WDR45B: variants seen among roughly 807,000 people sequenced by gnomAD.
WDR45B encodes the protein WD repeat domain phosphoinositide-interacting protein 3.
WDR45B carries 20 observed loss-of-function variants against 44.6 expected under a neutral mutation model. That is an observed-to-expected ratio of 0.45 (90% CI 0.32 to 0.65). The LOEUF (loss-of-function observed/expected upper bound fraction) is 0.65. Among genes scored for constraint, WDR45B ranks in the 30% least tolerant of loss-of-function variants. The pLI, the probability that WDR45B is intolerant of heterozygous loss-of-function variation, is 0.05. For missense variants in WDR45B, 323 were observed against 430.2 expected, an observed-to-expected ratio of 0.75 and a Z score of 2.20; for synonymous variants, 169 against 164.9, an observed-to-expected ratio of 1.02 and a Z score of -0.19.
Position 82,625,420 on chromosome 17 carries a change from C to T in WDR45B, c.396G>A (p.Leu132=), listed in dbSNP as rs1238967372. Residue 132 remains leucine, a synonymous_variant, in exon 5 of 10, where the codon TTG becomes TTA. Coordinates refer to ENST00000392325, the MANE Select transcript of WDR45B (RefSeq NM_019613.4). ...VFTFTHNPHQ[L]HVFETCYNPK... ...GGTTATAGCAGGTTTCGAAGACGTG[C>T]AACTGATGGGGATTGTGTGTGAATG... The T allele has an allele frequency of 6.2e-7, 1 of 1,614,184 alleles. No individual in the cohort carries two copies. Among genetic ancestry groups the T allele is most frequent in the South Asian group, 1.1e-5 (1 of 91,090 alleles).
intron 3 of WDR45B, among the ~76,000 whole-genome samples, chr17:82,630,225 C>G (rs1466704926): frequency 6.6e-6 from 1 of 152,068 alleles, no homozygotes; most frequent in Non-Finnish European, 1.5e-5. Flanking sequence ...AAACACAGAT[C>G]TGACGGCATC....
intron 1 of WDR45B, among the ~76,000 whole-genome samples, chr17:82,647,239 A>G (rs142844707): frequency 1.2e-3 from 190 of 152,346 alleles, no homozygotes; most frequent in African/African-American, 4.4e-3. Context: ...AAATAAATAA[A>G]TAAAATTGTC....
intron 4 of WDR45B, 161 bp downstream of exon 4, chr17:82,627,043 G>A: frequency 1.4e-6 from 1 of 724,484 alleles, no homozygotes; most frequent in South Asian, 1.5e-5. Context: ...CTTTCTTGCA[G>A]CAATATAAAT....
At chr17:82,643,106 G>A (rs1050170531) in intron 2 of WDR45B, among the ~76,000 whole-genome samples, 1 of 152,170 alleles carries the variant, frequency 6.6e-6, no homozygotes, top group African/African-American at 2.4e-5. Flanking sequence ...ATAACTCTGA[G>A]GCAGGCATTG....
chr17:82,641,255 C>T (rs1338832510), intron 2 of WDR45B, among the ~76,000 whole-genome samples: 1 of 152,176 alleles, frequency 6.6e-6, no homozygotes, highest in Admixed American at 6.5e-5. Flanking sequence ...GCGTGAGCCA[C>T]CGTGCGGGCC....
rs1437857918 is a variant in WDR45B, at chr17:82,618,226, G to A, written c.704+817C>T. ...ATTACAGGCGGGAGCCACTGCGCCC[G>A]GCTATATTAATTACATTTTCATCTC... is the stretch of plus-strand genomic sequence containing the variant. On this transcript the variant is annotated intron_variant, in intron 7 of 9. Transcript: ENST00000392325. 2.6e-5 allele frequency among the ~76,000 whole-genome samples: 4 copies of A among 152,270 alleles called. No individual in the cohort carries two copies. In the East Asian group the frequency reaches 7.7e-4, roughly 29 times the overall value.
chr17:82,630,881 G>T, intron 3 of WDR45B, 40 bp downstream of exon 3: 1 of 1,563,534 alleles, frequency 6.4e-7, no homozygotes, highest in Non-Finnish European at 8.8e-7. Flanking sequence ...GACTGGGTGG[G>T]ACACGTGAGG....
intron 2 of WDR45B, among the ~76,000 whole-genome samples, chr17:82,631,346 C>T (rs113380938): frequency 4.2e-5 from 6 of 142,736 alleles, no homozygotes; most frequent in African/African-American, 8.0e-5. Context: ...TGCAGTCGCG[C>T]GATCTCGGCT....
Position 82,625,374 on chromosome 17 carries a change from T to C in WDR45B, c.427+15A>G, listed in dbSNP as rs1157374603. 1 of 1,613,472 alleles carries C rather than the reference T, an allele frequency of 6.2e-7. No individual in the cohort carries two copies. Among genetic ancestry groups the C allele is most frequent in the Admixed American group, 1.7e-5 (1 of 59,988 alleles). ...GACCCATTTCCCATCGCCACCCGTC[T>C]GCTCAATCTCTCACCTTTGGGGTTA... On this transcript the variant is annotated intron_variant, in intron 5 of 9. Coordinates refer to ENST00000392325, the MANE Select transcript of WDR45B (RefSeq NM_019613.4).
chr17:82,634,316 T>C (rs986574187), intron 2 of WDR45B, among the ~76,000 whole-genome samples: 3 of 151,272 alleles, frequency 2.0e-5, no homozygotes, highest in Non-Finnish European at 2.9e-5. Context: ...GGTGAAACCC[T>C]GTCTCTACTA....
At chr17:82,647,034 G>C (rs982072730) in intron 1 of WDR45B, among the ~76,000 whole-genome samples, 1 of 152,110 alleles carries the variant, frequency 6.6e-6, no homozygotes, top group African/African-American at 2.4e-5. Flanking sequence ...ATTGAGACCA[G>C]CCTGGCCAAC....
At chr17:82,628,174 G>A (rs113404748) in intron 3 of WDR45B, among the ~76,000 whole-genome samples, 9,793 of 152,126 alleles carry the variant, frequency 0.064, 1,051 homozygotes, top group African/African-American at 0.22. Context: ...TGTATTTTTG[G>A]TAGAGATGGG....
intron 7 of WDR45B, among the ~76,000 whole-genome samples, chr17:82,617,996 T>C (rs1258689368): frequency 6.6e-6 from 1 of 151,870 alleles, no homozygotes; most frequent in Non-Finnish European, 1.5e-5. Flanking sequence ...TAGCACGACC[T>C]TGGCTCACTG....
chr17:82,625,626 G>A (rs149002739), intron 4 of WDR45B, 143 bp from the exon 5 acceptor site: 8 of 876,608 alleles, frequency 9.1e-6, no homozygotes, highest in African/African-American at 3.4e-5. Context: ...AAGCTCTGGA[G>A]GCAGGTAGCC....
intron 7 of WDR45B, 149 bp from the exon 8 acceptor site, chr17:82,617,546 C>G: frequency 1.3e-6 from 1 of 753,840 alleles, no homozygotes; most frequent in African/African-American, 1.7e-5. Flanking sequence ...TTTAACAAGC[C>G]GACAACCATC....
In WDR45B at chr17:82,629,843, G is replaced by T. The variant is rs1215310022; in HGVS notation, c.244+1078C>A. 29 of 985,122 alleles carry T rather than the reference G, an allele frequency of 2.9e-5. No homozygotes were observed. In the South Asian group the frequency reaches 1.0e-3, roughly 35 times the overall value. 61.0% of individuals were successfully genotyped at this position (985,122 alleles called of 1,614,324 possible). A position where few individuals can be genotyped will look rare whatever the true frequency, so the allele number is the denominator to read the frequency against. On this transcript the variant is annotated intron_variant, in intron 3 of 9. Coordinates refer to ENST00000392325, the MANE Select transcript of WDR45B (RefSeq NM_019613.4). ...CCTGGGCTATTCTATTCCTAAGTAC[G>T]TGATATCACCCAGATCCTAGTTCAC... is the stretch of plus-strand genomic sequence containing the variant.
intron 7 of WDR45B, 22 bp from the exon 8 acceptor site, chr17:82,617,419 C>T: frequency 1.9e-6 from 3 of 1,612,490 alleles, no homozygotes; most frequent in Non-Finnish European, 2.5e-6. Flanking sequence ...ACCAGCACAG[C>T]TCAGGCCTTG....
intron 3 of WDR45B, 45 bp from the exon 4 acceptor site, chr17:82,627,336 A>G (rs371612418): frequency 1.3e-5 from 19 of 1,505,658 alleles, no homozygotes; most frequent in Non-Finnish European, 1.7e-5. Flanking sequence ...TCAGCAGGCC[A>G]TGGCGCTGGG....
Position 82,615,868 on chromosome 17 carries a change from C to T in WDR45B, c.*51G>A, listed in dbSNP as rs1030901248. The stretch of plus-strand genomic sequence containing the variant: ...GCCCCTGGGGCACTGGCACCAGCCC[C>T]GAGAGTCTGAAGGCGGCAGGTGGTG... On this transcript the variant is annotated 3_prime_UTR_variant, in exon 10 of 10. Transcript: ENST00000392325. 1.1e-5 allele frequency: 17 copies of T among 1,571,134 alleles called. No homozygotes were observed. The highest frequency in any genetic ancestry group is 2.7e-5 in the African/African-American group (2 of 73,934).
Sources: allele counts gnomAD v4.1 joint callset (sites outside exome capture counted in the v4.1 genomes callset), GRCh38; gene constraint gnomAD v4.1.1; transcripts MANE v1.5; gene names NCBI Gene and HGNC (gene_info 2026-07-23, HGNC 2026-07-21).